Variants in EHBP1 observed in about 807,000 individuals in gnomAD.
EHBP1 encodes EH domain binding protein 1.
EHBP1 carries 55 observed loss-of-function variants against 144.0 expected under a neutral mutation model. The observed-to-expected ratio is 0.38, with a 90% CI of 0.31 to 0.48. The LOEUF is 0.48. EHBP1 is among the 20% of genes least tolerant of loss of function. The pLI is 0.98. For missense variants in EHBP1, 1,200 were observed against 1,364.2 expected, an observed-to-expected ratio of 0.88 and a Z score of 1.90; for synonymous variants, 469 against 472.7, an observed-to-expected ratio of 0.99 and a Z score of 0.10.
At chr2:62,918,474 A>C (rs1316766998) in intron 10 of EHBP1, among the ~76,000 whole-genome samples, 2 of 152,142 alleles carry the variant, frequency 1.3e-5, no homozygotes, top group Non-Finnish European at 2.9e-5. Flanking sequence ...ATGGCTACAG[A>C]CTACTCAAGG....
chr2:62,691,538 A>T (rs535782293), intron 1 of EHBP1, among the ~76,000 whole-genome samples: 1 of 152,332 alleles, frequency 6.6e-6, no homozygotes, highest in African/African-American at 2.4e-5. Flanking sequence ...TGGGGTTTTT[A>T]TTTCTAGAGA....
chr2:62,717,380 T>C (rs1219192269), intron 2 of EHBP1, among the ~76,000 whole-genome samples: 1 of 152,256 alleles, frequency 6.6e-6, no homozygotes, highest in East Asian at 1.9e-4. Flanking sequence ...AAAGAGCCAC[T>C]GAACTTGTTC....
chr2:62,980,802 GACC>G (rs1293821171), intron 15 of EHBP1, among the ~76,000 whole-genome samples: 5 of 149,478 alleles, frequency 3.3e-5, no homozygotes, highest in African/African-American at 1.2e-4. Flanking sequence ...AACATCACAG[GACC>G]CTATTGCTAC....
At chr2:62,838,757 C>T (rs2047524383) in intron 7 of EHBP1, among the ~76,000 whole-genome samples, 1 of 150,490 alleles carries the variant, frequency 6.6e-6, no homozygotes, top group Non-Finnish European at 1.5e-5. Context: ...TGGATACATT[C>T]CTCGACACAT....
chr2:62,805,717 G>C (rs919293002), intron 5 of EHBP1, among the ~76,000 whole-genome samples: 2 of 151,954 alleles, frequency 1.3e-5, no homozygotes, highest in African/African-American at 4.8e-5. Context: ...GGATTTCACC[G>C]TGTTGGCCAG....
chr2:62,918,143 C>T (rs982441174), intron 10 of EHBP1, among the ~76,000 whole-genome samples: 39 of 152,026 alleles, frequency 2.6e-4, no homozygotes, highest in African/African-American at 8.5e-4. Context: ...GTGATCCACC[C>T]GCCTCAGCCT....
intron 19 of EHBP1, among the ~76,000 whole-genome samples, chr2:63,009,330 G>C (rs1371095147): frequency 6.6e-6 from 1 of 151,548 alleles, no homozygotes; most frequent in Non-Finnish European, 1.5e-5. Flanking sequence ...CAGATGTCCT[G>C]TATGAACATT....
chr2:63,038,423 A>G (rs1361966379), intron 20 of EHBP1, among the ~76,000 whole-genome samples: 1 of 152,158 alleles, frequency 6.6e-6, no homozygotes, highest in Admixed American at 6.5e-5. Context: ...TTTGGAAAAA[A>G]GAGATTATAA....
chr2:62,993,813 A>G, intron 17 of EHBP1, 58 bp from the exon 18 acceptor site: 1 of 1,359,196 alleles, frequency 7.4e-7, no homozygotes. Flanking sequence ...TCACATTTCA[A>G]TACACAAATA....
upstream of EHBP1, among the ~76,000 whole-genome samples, chr2:62,704,521 T>A (rs1333841696): frequency 6.6e-6 from 1 of 152,216 alleles, no homozygotes; most frequent in Non-Finnish European, 1.5e-5. Context: ...GATTGAATGA[T>A]CCTTGTTTCC....
chr2:62,892,079 C>G (rs1350708962), intron 10 of EHBP1, among the ~76,000 whole-genome samples: 1 of 152,078 alleles, frequency 6.6e-6, no homozygotes, highest in East Asian at 1.9e-4. Context: ...CTTGTGAATT[C>G]AAGAGAATTT....
chr2:62,898,632 C>T (rs1389689114), intron 10 of EHBP1, among the ~76,000 whole-genome samples: 1 of 152,052 alleles, frequency 6.6e-6, no homozygotes, highest in Non-Finnish European at 1.5e-5. Flanking sequence ...TACCTATGTA[C>T]TTTGGTCTTC....
intron 19 of EHBP1, among the ~76,000 whole-genome samples, chr2:63,004,898 A>G (rs1486140273): frequency 6.6e-6 from 1 of 152,120 alleles, no homozygotes; most frequent in Non-Finnish European, 1.5e-5. Context: ...CCACATTCTG[A>G]TTCAGGACAT....
intron 3 of EHBP1, among the ~76,000 whole-genome samples, chr2:62,752,627 G>C (rs2152232224): frequency 6.6e-6 from 1 of 152,210 alleles, no homozygotes; most frequent in Middle Eastern, 3.4e-3. Context: ...TCTCTTTGTA[G>C]GTCTCTAAGG....
At chr2:62,990,664 C>T (rs976394321) in intron 15 of EHBP1, 52 bp from the exon 16 acceptor site, 14 of 1,582,298 alleles carry the variant, frequency 8.8e-6, no homozygotes, top group Admixed American at 1.7e-5. Context: ...TGACAGCCTA[C>T]ATATCTAAAT....
chr2:62,904,024 C>T (rs2053616028), intron 10 of EHBP1, among the ~76,000 whole-genome samples: 1 of 152,110 alleles, frequency 6.6e-6, no homozygotes. Context: ...TTTATTTTTG[C>T]TCTTTGGACT....
intron 10 of EHBP1, among the ~76,000 whole-genome samples, chr2:62,915,981 C>T (rs1194921772): frequency 1.3e-5 from 2 of 152,046 alleles, no homozygotes; most frequent in African/African-American, 4.8e-5. Context: ...TTAATTCACA[C>T]CATTCACTAA....
At chr2:62,785,641 A>T (rs1295603562) in intron 5 of EHBP1, among the ~76,000 whole-genome samples, 3 of 152,154 alleles carry the variant, frequency 2.0e-5, no homozygotes, top group African/African-American at 7.2e-5. Context: ...ATTTTTTTCC[A>T]AGTGAGATTC....
At chr2:63,035,245 G>A (rs1006653199) in intron 19 of EHBP1, among the ~76,000 whole-genome samples, 5 of 151,898 alleles carry the variant, frequency 3.3e-5, no homozygotes, top group African/African-American at 7.3e-5. Flanking sequence ...GTATACTATC[G>A]CAGATAAGGA....
Sources: gnomAD v4.1 joint callset for allele counts (sites outside exome capture counted in the v4.1 genomes callset) on GRCh38, gnomAD v4.1.1 for gene constraint, MANE v1.5 for transcripts, NCBI Gene and HGNC (gene_info 2026-07-23, HGNC 2026-07-21) for gene names.